Variants in GIN1 observed in about 807,000 individuals in gnomAD.
GIN1 encodes the protein gypsy retrotransposon integrase-like protein 1.
Under a neutral mutation model 51.4 loss-of-function variants are expected in GIN1, and 41 were observed. The ratio of observed to expected loss-of-function variants is 0.80; its 90% CI spans 0.62 to 1.04. The LOEUF is 1.04. GIN1 is among the 50% of genes least tolerant of loss of function. GIN1 has a pLI of 0.00. For synonymous variants in GIN1, 222 were observed against 206.5 expected, an observed-to-expected ratio of 1.07 and a Z score of -0.64; for missense variants, 610 against 612.4, an observed-to-expected ratio of 1.00 and a Z score of 0.04.
chr5:103,102,412 G>A (rs1199598805), intron 4 of GIN1: 1 of 152,128 alleles, frequency 6.6e-6, no homozygotes, highest in East Asian at 1.9e-4. Context: ...TTCAACATTA[G>A]ATCAGGTTAC....
rs1787069772 is a variant in GIN1 at position 103,086,146 on chromosome 5, G to T, written c.*1752C>A. 1 of 152,168 alleles carries T rather than the reference G, an allele frequency of 6.6e-6. No individual in the cohort carries two copies. The highest frequency in any genetic ancestry group is 1.5e-5 in the Non-Finnish European group (1 of 68,030). The allele number at this position is 152,168 out of a possible 1,614,324, so 9.4% of individuals were successfully genotyped here. A position where few individuals can be genotyped will look rare whatever the true frequency, so the allele number is the denominator to read the frequency against. ...TTCTGGTAGTTTTCTGGCAATCTCT[G>T]TCATTTCTTGGCATATAGAAACATA... On this transcript the variant is annotated 3_prime_UTR_variant, in exon 8 of 8. Transcript: ENST00000399004.
Position 103,086,109 on chromosome 5 carries a change from C to T in GIN1, c.*1789G>A, listed in dbSNP as rs919172859. On this transcript the variant is annotated 3_prime_UTR_variant, in exon 8 of 8. Coordinates refer to ENST00000399004, the MANE Select transcript of GIN1 (RefSeq NM_017676.2). ...GAATGAGGAAAAATGTATTCAATGC[C>T]TCTCCCCTAACTTCTGGTAGTTTTC... The T allele has an allele frequency of 3.3e-5, 5 of 152,262 alleles. No individual in the cohort carries two copies. In the East Asian group the frequency reaches 9.6e-4, roughly 29 times the overall value. The allele number at this position is 152,262 out of a possible 1,614,324, so 9.4% of individuals were successfully genotyped here.
At chr5:103,093,295 C>G (rs1303812472) in intron 7 of GIN1, among the ~76,000 whole-genome samples, 1 of 152,012 alleles carries the variant, frequency 6.6e-6, no homozygotes, top group African/African-American at 2.4e-5. Context: ...CAAGGGTCCT[C>G]AAATATAGAA....
rs1583103702 is a variant in GIN1 at position 103,086,991 on chromosome 5, T to C, written c.*907A>G. 6.6e-6 allele frequency: 1 copy of C among 152,274 alleles called. No individual in the cohort carries two copies. The highest frequency in any genetic ancestry group is 2.1e-4 in the South Asian group (1 of 4,836). 9.4% of individuals were successfully genotyped at this position (152,274 alleles called of 1,614,324 possible). On this transcript the variant is annotated 3_prime_UTR_variant, in exon 8 of 8. Transcript: ENST00000399004. ...TAACGGATACTTTTGTTGTTGTTGTTGAGACAGGTCTTGCCCTGTCGCCCA... is the reference window on the plus strand; with the variant it reads ...TAACGGATACTTTTGTTGTTGTTGTCGAGACAGGTCTTGCCCTGTCGCCCA...
intron 1 of GIN1, among the ~76,000 whole-genome samples, chr5:103,117,372 A>T (rs1788062331): frequency 1.1e-4 from 1 of 9,090 alleles, no homozygotes; most frequent in Admixed American, 1.7e-3. Context: ...AAAAAATTAA[A>T]AATTTTAAAA....
At position 103,100,544 on chromosome 5, in the gene GIN1, A is replaced by G. The variant is rs539962215; in HGVS notation, c.640-2763T>C. ...GTTGCTGGGACTATGAGTGTGCAAC[A>G]CCACGTCCAGTTAATTAAAAATTTT... On this transcript the variant is annotated intron_variant, in intron 4 of 7. Transcript: ENST00000399004. 2.0e-5 allele frequency among the ~76,000 whole-genome samples: 3 copies of G among 151,722 alleles called. No individual in the cohort carries two copies. In the South Asian group the frequency reaches 6.3e-4, roughly 32 times the overall value.
In GIN1 at chr5:103,087,675, G is replaced by GA; in HGVS notation, c.*222dup. The GA allele has an allele frequency of 3.3e-6, 1 of 303,844 alleles. No homozygotes were observed. Among genetic ancestry groups the GA allele is most frequent in the Non-Finnish European group, 5.9e-6 (1 of 168,500 alleles). 18.8% of individuals were successfully genotyped at this position (303,844 alleles called of 1,614,324 possible). On this transcript the variant is annotated 3_prime_UTR_variant, in exon 8 of 8. Coordinates refer to ENST00000399004, the MANE Select transcript of GIN1 (RefSeq NM_017676.2). ...TGCTTTGCCTGTTCTCTTTTTAGAAGAAAAAGTGAATTCTATATATTACAT... is the reference window on the plus strand; with the variant it reads ...TGCTTTGCCTGTTCTCTTTTTAGAAGAAAAAAGTGAATTCTATATATTACAT...
At chr5:103,114,133 G>C (rs1554197160) in intron 1 of GIN1, among the ~76,000 whole-genome samples, 2 of 152,108 alleles carry the variant, frequency 1.3e-5, no homozygotes, top group South Asian at 4.1e-4. Flanking sequence ...ACTCTGGCTA[G>C]GTGTAATTTC....
At chr5:103,115,302 T>C (rs1020622247) in intron 1 of GIN1, among the ~76,000 whole-genome samples, 2 of 152,130 alleles carry the variant, frequency 1.3e-5, no homozygotes, top group African/African-American at 4.8e-5. Context: ...AATGGCTGAA[T>C]GGATAAACAA....
intron 4 of GIN1, among the ~76,000 whole-genome samples, chr5:103,104,153 C>G (rs782280920): frequency 1.3e-5 from 2 of 151,978 alleles, no homozygotes; most frequent in Non-Finnish European, 2.9e-5. Flanking sequence ...GGAGTTTCGC[C>G]CTATTGCCCA....
At chr5:103,104,285 T>C (rs1554196034) in intron 4 of GIN1, among the ~76,000 whole-genome samples, 1 of 152,150 alleles carries the variant, frequency 6.6e-6, no homozygotes, top group Non-Finnish European at 1.5e-5. Context: ...AAATAAAGAT[T>C]ATTTGGTCCA....
intron 1 of GIN1, among the ~76,000 whole-genome samples, chr5:103,109,069 C>CA (rs1218493483): frequency 3.9e-5 from 6 of 151,986 alleles, no homozygotes; most frequent in Admixed American, 1.3e-4. Context: ...GATGGTAACA[C>CA]AGGAGGATCC....
intron 1 of GIN1, among the ~76,000 whole-genome samples, chr5:103,115,878 T>C (rs1247461493): frequency 2.6e-5 from 4 of 152,114 alleles, no homozygotes; most frequent in South Asian, 2.1e-4. Flanking sequence ...AATTCACAAA[T>C]AGAGGGATTC....
At chr5:103,109,852 T>C (rs1276121885) in intron 1 of GIN1, among the ~76,000 whole-genome samples, 13 of 151,986 alleles carry the variant, frequency 8.6e-5, no homozygotes, top group African/African-American at 3.1e-4. Context: ...TTTATACAAA[T>C]AAAGTAAATA....
At chr5:103,096,359 G>T (rs1367833206) in intron 7 of GIN1, among the ~76,000 whole-genome samples, 182 bp downstream of exon 7, 1 of 151,846 alleles carries the variant, frequency 6.6e-6, no homozygotes, top group Non-Finnish European at 1.5e-5. Flanking sequence ...AATCTCACAG[G>T]CCTGACAGTT....
intron 6 of GIN1, 103 bp downstream of exon 6, chr5:103,097,209 GTA>G: frequency 1.5e-6 from 1 of 687,118 alleles, no homozygotes; most frequent in Non-Finnish European, 2.5e-6. Context: ...TGGCAAGTAA[GTA>G]TGTGTGTGTG....
chr5:103,093,594 C>A (rs928033810), intron 7 of GIN1, among the ~76,000 whole-genome samples: 29 of 152,216 alleles, frequency 1.9e-4, no homozygotes, highest in African/African-American at 7.0e-4. Context: ...TTTGTTACAG[C>A]AACAAGAGGA....
At chr5:103,100,035 T>C (rs1030879746) in intron 4 of GIN1, among the ~76,000 whole-genome samples, 7 of 152,192 alleles carry the variant, frequency 4.6e-5, no homozygotes, top group African/African-American at 1.4e-4. Flanking sequence ...CCCAATCATA[T>C]GTCGCTTTTT....
At chr5:103,112,927 A>G (rs1787927224) in intron 1 of GIN1, among the ~76,000 whole-genome samples, 2 of 152,074 alleles carry the variant, frequency 1.3e-5, no homozygotes, top group Non-Finnish European at 2.9e-5. Context: ...GGAAAAGAGG[A>G]GGAAATCAGC....
Sources: allele counts gnomAD v4.1 joint callset (sites outside exome capture counted in the v4.1 genomes callset), GRCh38; gene constraint gnomAD v4.1.1; transcripts MANE v1.5; gene names NCBI Gene and HGNC (gene_info 2026-07-23, HGNC 2026-07-21).